The following KDM5B variants were observed in gnomAD, a reference collection of about 807,000 sequenced individuals.
KDM5B encodes the protein lysine-specific demethylase 5B.
In KDM5B, 144 loss-of-function variants were observed where a neutral mutation model predicts 193.4. That is an observed-to-expected ratio of 0.74 (90% CI 0.65 to 0.86). KDM5B has a LOEUF of 0.86. KDM5B is among the 40% of genes least tolerant of loss of function. The pLI is 0.00. For synonymous variants in KDM5B, 668 were observed against 682.6 expected, an observed-to-expected ratio of 0.98 and a Z score of 0.33; for missense variants, 1,833 against 1,886.9, an observed-to-expected ratio of 0.97 and a Z score of 0.53.
intron 1 of KDM5B, among the ~76,000 whole-genome samples, chr1:202,803,638 A>G (rs1658167274): frequency 6.6e-6 from 1 of 152,088 alleles, no homozygotes; most frequent in Non-Finnish European, 1.5e-5. Context: ...AGCCTAACCA[A>G]CATGGTGAAA....
intron 1 of KDM5B, among the ~76,000 whole-genome samples, chr1:202,803,365 T>G (rs1658153334): frequency 6.6e-6 from 1 of 152,204 alleles, no homozygotes; most frequent in Non-Finnish European, 1.5e-5. Context: ...TCATTCACAT[T>G]ACATTCTTAA....
chr1:202,748,922 A>AGTT, intron 14 of KDM5B, 23 bp downstream of exon 14: 1 of 1,574,434 alleles, frequency 6.4e-7, no homozygotes, highest in South Asian at 1.2e-5. Context: ...GACAACATGC[A>AGTT]GTTGGATTTC....
At chr1:202,799,730 TG>T (rs1657999835) in intron 1 of KDM5B, among the ~76,000 whole-genome samples, 1 of 152,270 alleles carries the variant, frequency 6.6e-6, no homozygotes, top group South Asian at 2.1e-4. Flanking sequence ...ACAGTCCCCT[TG>T]ATAAACCTCT....
intron 1 of KDM5B, among the ~76,000 whole-genome samples, chr1:202,793,044 A>C (rs1177181615): frequency 6.6e-6 from 1 of 151,898 alleles, no homozygotes; most frequent in Non-Finnish European, 1.5e-5. Context: ...TGAAAGAGAG[A>C]AGCAGGCTAA....
At chr1:202,792,318 C>T (rs2102332393) in intron 1 of KDM5B, among the ~76,000 whole-genome samples, 1 of 147,860 alleles carries the variant, frequency 6.8e-6, no homozygotes, top group South Asian at 2.1e-4. Flanking sequence ...ACCAGTGGGT[C>T]TCAAACCTAG....
intron 3 of KDM5B, among the ~76,000 whole-genome samples, chr1:202,774,225 A>G (rs1192301378): frequency 6.6e-6 from 1 of 152,192 alleles, no homozygotes; most frequent in Non-Finnish European, 1.5e-5. Flanking sequence ...CTCATTTCAC[A>G]CATCTCAAAA....
chr1:202,784,420 GTCA>G (rs987031893), intron 1 of KDM5B, among the ~76,000 whole-genome samples: 2 of 152,152 alleles, frequency 1.3e-5, no homozygotes, highest in African/African-American at 4.8e-5. Context: ...ATGAAACCCA[GTCA>G]TCATAGAATA....
chr1:202,788,999 C>A (rs1289804928), intron 1 of KDM5B, among the ~76,000 whole-genome samples: 2 of 152,034 alleles, frequency 1.3e-5, no homozygotes, highest in Non-Finnish European at 2.9e-5. Context: ...TAAGCAACAC[C>A]CAAACCTACC....
intron 16 of KDM5B, among the ~76,000 whole-genome samples, chr1:202,743,073 C>T (rs930691389): frequency 7.9e-5 from 12 of 151,988 alleles, no homozygotes; most frequent in African/African-American, 1.9e-4. Flanking sequence ...CAGTGGCTCA[C>T]GCCTGTAAAT....
chr1:202,764,420 T>G (rs1656367058), intron 5 of KDM5B, among the ~76,000 whole-genome samples: 1 of 152,070 alleles, frequency 6.6e-6, no homozygotes, highest in Non-Finnish European at 1.5e-5. Flanking sequence ...GCAGATCACT[T>G]AAGGTCAGGA....
Position 202,726,812 on chromosome 1 carries a change from A to T in KDM5B, c.*2224T>A, listed in dbSNP as rs1654689450. On this transcript the variant is annotated 3_prime_UTR_variant, in exon 27 of 27. Coordinates refer to ENST00000367265, the MANE Select transcript of KDM5B (RefSeq NM_006618.5). ...GTTATCTGTGTTCATTAGTAGTGTG[A>T]TGGTGTACAAGGTAGGAGGAATACT... 1 of 152,240 alleles carries T rather than the reference A, an allele frequency of 6.6e-6. No homozygotes were observed. Among genetic ancestry groups the T allele is most frequent in the African/African-American group, 2.4e-5 (1 of 41,464 alleles). 9.4% of individuals were successfully genotyped at this position (152,240 alleles called of 1,614,324 possible).
intron 18 of KDM5B, among the ~76,000 whole-genome samples, chr1:202,742,082 G>A (rs1655366204): frequency 6.6e-6 from 1 of 151,954 alleles, no homozygotes; most frequent in Admixed American, 6.6e-5. Flanking sequence ...CACCATATTG[G>A]TCAGGCTGGT....
intron 1 of KDM5B, among the ~76,000 whole-genome samples, chr1:202,782,488 T>C (rs1657239174): frequency 6.6e-6 from 1 of 152,092 alleles, no homozygotes; most frequent in African/African-American, 2.4e-5. Context: ...GTGTGAGGCA[T>C]GGCAGAAGCC....
intron 1 of KDM5B, among the ~76,000 whole-genome samples, chr1:202,798,561 T>C (rs556953044): frequency 6.6e-6 from 1 of 152,216 alleles, no homozygotes; most frequent in Non-Finnish European, 1.5e-5. Context: ...ACACCATCTC[T>C]ACAAAAAAAT....
At chr1:202,729,672 G>GAAA (rs1654800562) in intron 26 of KDM5B, 35 bp downstream of exon 26, 2 of 1,576,218 alleles carry the variant, frequency 1.3e-6, no homozygotes, top group Non-Finnish European at 1.7e-6. Context: ...TGAGTTAAGG[G>GAAA]AAAGCACGTC....
intron 23 of KDM5B, among the ~76,000 whole-genome samples, chr1:202,733,064 T>C (rs896290703): frequency 3.9e-5 from 6 of 152,200 alleles, no homozygotes; most frequent in African/African-American, 1.4e-4. Flanking sequence ...AAAAACTTTT[T>C]AGTCAAGCAA....
At chr1:202,767,491 C>A (rs10800864) in intron 4 of KDM5B, 7 of 829,350 alleles carry the variant, frequency 8.4e-6, no homozygotes, top group Non-Finnish European at 1.4e-5. Flanking sequence ...TCACCAAGAC[C>A]TTTTTTTCAC....
Position 202,767,475 on chromosome 1 carries a change from G to A in KDM5B, c.577-415C>T, listed in dbSNP as rs569507630. 111 of 1,002,616 alleles carry A rather than the reference G, an allele frequency of 1.1e-4. 2 individuals carry two copies. The highest frequency in any genetic ancestry group is 9.3e-4 in the South Asian group (71 of 76,580). 62.1% of individuals were successfully genotyped at this position (1,002,616 alleles called of 1,614,324 possible). On this transcript the variant is annotated intron_variant, in intron 4 of 26. Transcript: ENST00000367265. Reference sequence around the variant, plus strand: ...AGAGACCGAGGAAGGATGAAATGGCGGCACCTCACCAAGACCTTTTTTTCA... The same window carrying A: ...AGAGACCGAGGAAGGATGAAATGGCAGCACCTCACCAAGACCTTTTTTTCA...
At chr1:202,750,206 C>G (rs548763328) in intron 13 of KDM5B, among the ~76,000 whole-genome samples, 25 of 152,222 alleles carry the variant, frequency 1.6e-4, no homozygotes, top group Non-Finnish European at 3.4e-4. Context: ...AGTGCTTTAT[C>G]TCATTGTGGA....
Sources: gnomAD v4.1 joint callset for allele counts (sites outside exome capture counted in the v4.1 genomes callset) on GRCh38, gnomAD v4.1.1 for gene constraint, MANE v1.5 for transcripts, NCBI Gene and HGNC (gene_info 2026-07-23, HGNC 2026-07-21) for gene names.